KIRREL3: variants seen among roughly 807,000 people sequenced by gnomAD.
The protein encoded by KIRREL3 is kirre like nephrin family adhesion molecule 3, also known as kin of IRRE-like protein 3.
In KIRREL3, 36 loss-of-function variants were observed where a neutral mutation model predicts 89.7. The ratio of observed to expected loss-of-function variants is 0.40; its 90% CI spans 0.31 to 0.53. The LOEUF (loss-of-function observed/expected upper bound fraction) is 0.53, where lower values mean the gene tolerates loss of function less well. KIRREL3 is among the 20% of genes least tolerant of loss of function. KIRREL3 has a pLI of 0.49. For missense variants in KIRREL3, 864 were observed against 1,056.6 expected (o/e 0.82, Z 2.53); for synonymous variants, 445 against 441.4 (o/e 1.01, Z -0.10).
intron 2 of KIRREL3, among the ~76,000 whole-genome samples, chr11:126,532,110 G>T (rs549479771): frequency 6.6e-6 from 1 of 152,146 alleles, no homozygotes; most frequent in Non-Finnish European, 1.5e-5. Flanking sequence ...GGCTGTATAC[G>T]TTGTTTCTGG....
chr11:126,605,372 C>T lies in KIRREL3; in HGVS notation c.56-42460G>A, dbSNP rs895699083. Reference sequence around the variant, plus strand: ...GTGGGAGCAATGGAGCACCCATGGTCTCCAGGTCTCAGGCCACTTGGGTCT... The same window carrying T: ...GTGGGAGCAATGGAGCACCCATGGTTTCCAGGTCTCAGGCCACTTGGGTCT... On this transcript the variant is annotated intron_variant, in intron 1 of 16. Transcript: ENST00000525144. The surrounding 1 kb of genome is among the most constrained non-coding windows in gnomAD (Gnocchi z 5.7). Among the ~76,000 whole-genome samples the T allele has an allele frequency of 1.3e-5, 2 of 152,184 alleles. No homozygotes were observed. The highest frequency in any genetic ancestry group is 6.5e-5 in the Admixed American group (1 of 15,276).
chr11:126,951,774 G>C (rs1328181659), intron 1 of KIRREL3, among the ~76,000 whole-genome samples: 1 of 152,194 alleles, frequency 6.6e-6, no homozygotes, highest in African/African-American at 2.4e-5. Flanking sequence ...CCAAGCCTTT[G>C]AGTGACAGAA....
intron 1 of KIRREL3, among the ~76,000 whole-genome samples, chr11:126,572,253 C>T (rs748544825): frequency 4.4e-4 from 67 of 152,200 alleles, no homozygotes; most frequent in African/African-American, 5.8e-4. Context: ...CTTCCCCAGC[C>T]CCTACAGTTC....
intron 1 of KIRREL3, among the ~76,000 whole-genome samples, chr11:126,583,737 G>A (rs931432161): frequency 6.9e-6 from 1 of 145,216 alleles, no homozygotes; most frequent in African/African-American, 2.5e-5. Context: ...CCCTCAGTAC[G>A]GTGCCTGGCA....
chr11:126,576,696 A>C lies in KIRREL3; in HGVS notation c.56-13784T>G, dbSNP rs753942964. On this transcript the variant is annotated intron_variant, in intron 1 of 16. Transcript: ENST00000525144. The surrounding 1 kb of genome is among the most constrained non-coding windows in gnomAD (Gnocchi z 5.4). ...CACCAGTTGGTTTGAATGTGGGTGC[A>C]CGTGCATGTATGAGTTCATTAATTT... Among the ~76,000 whole-genome samples the C allele has an allele frequency of 1.2e-4, 18 of 152,194 alleles. No individual in the cohort carries two copies. The highest frequency in any genetic ancestry group is 2.1e-4 in the Non-Finnish European group (14 of 68,030).
chr11:126,648,143 C>T (rs1944764969), intron 1 of KIRREL3, among the ~76,000 whole-genome samples: 1 of 152,150 alleles, frequency 6.6e-6, no homozygotes, highest in African/African-American at 2.4e-5. Flanking sequence ...CTGCTCTGGC[C>T]ATCTAATATG....
chr11:126,929,219 CA>C (rs1947840240), intron 1 of KIRREL3, among the ~76,000 whole-genome samples: 1 of 152,100 alleles, frequency 6.6e-6, no homozygotes, highest in Admixed American at 6.5e-5. Context: ...ACAGAGAGGT[CA>C]AAGTCCCCAG....
rs1565668359 is a variant in KIRREL3, at chr11:126,710,335, C to T, written c.56-147423G>A. Reference sequence around the variant, plus strand: ...GAGGAGAGAAGGGAGATAGCTAGCTCAGTGTGGCACCCCATTCTTCCCATT... The same window carrying T: ...GAGGAGAGAAGGGAGATAGCTAGCTTAGTGTGGCACCCCATTCTTCCCATT... On this transcript the variant is annotated intron_variant, in intron 1 of 16. Transcript: ENST00000525144. The surrounding 1 kb of genome is among the most constrained non-coding windows in gnomAD (Gnocchi z 4.2). Among the ~76,000 whole-genome samples the T allele has an allele frequency of 6.6e-6, 1 of 152,186 alleles. No individual in the cohort carries two copies. Among genetic ancestry groups the T allele is most frequent in the Non-Finnish European group, 1.5e-5 (1 of 68,036 alleles).
At chr11:126,806,237 C>T (rs2134408746) in intron 1 of KIRREL3, among the ~76,000 whole-genome samples, 1 of 152,264 alleles carries the variant, frequency 6.6e-6, no homozygotes, top group East Asian at 1.9e-4. Context: ...ATAACATTCT[C>T]CCTCATGTGC....
chr11:126,956,338 G>A lies in KIRREL3; in HGVS notation c.55+44117C>T, dbSNP rs576395845. On this transcript the variant is annotated intron_variant, in intron 1 of 16. Coordinates refer to ENST00000525144, the MANE Select transcript of KIRREL3 (RefSeq NM_032531.4). ...GAGGGATCTTTCTCCTTTGGTTAGCGAATCTGATGTCAGAGTCATTCCATC... is the reference window on the plus strand; with the variant it reads ...GAGGGATCTTTCTCCTTTGGTTAGCAAATCTGATGTCAGAGTCATTCCATC... 1.2e-4 allele frequency among the ~76,000 whole-genome samples: 19 copies of A among 152,236 alleles called. No homozygotes were observed. In the South Asian group the frequency reaches 1.5e-3, roughly 12 times the overall value.
intron 1 of KIRREL3, among the ~76,000 whole-genome samples, chr11:126,809,091 C>G (rs1012900716): frequency 3.3e-5 from 5 of 152,128 alleles, no homozygotes; most frequent in Admixed American, 2.0e-4. Context: ...GCTAGTTGTT[C>G]AGCAGTCATG....
intron 1 of KIRREL3, among the ~76,000 whole-genome samples, chr11:126,926,494 CAGGA>C: frequency 6.6e-6 from 1 of 152,148 alleles, no homozygotes; most frequent in East Asian, 1.9e-4. Context: ...TGAGAGACTG[CAGGA>C]AGGCTTCTCA....
At chr11:126,529,638 G>A (rs558389344) in intron 2 of KIRREL3, among the ~76,000 whole-genome samples, 7 of 24,362 alleles carry the variant, frequency 2.9e-4, no homozygotes, top group African/African-American at 3.7e-4. Context: ...AGAGCCTCTC[G>A]CATTCTGTCT....
In KIRREL3 at chr11:126,676,986, C is replaced by T. The variant is rs954037679; in HGVS notation, c.56-114074G>A. On this transcript the variant is annotated intron_variant, in intron 1 of 16. Coordinates refer to ENST00000525144, the MANE Select transcript of KIRREL3 (RefSeq NM_032531.4). This position sits in a 1 kb window ranked among gnomAD's most constrained non-coding sequence, Gnocchi z 4.5. ...AATTTTTTGTAGAGACAGGGTCTTG[C>T]TGTGTTGCCAGGGCTGATCTTGAAC... Among the ~76,000 whole-genome samples the T allele has an allele frequency of 4.6e-5, 7 of 151,968 alleles. No homozygotes were observed. Among genetic ancestry groups the T allele is most frequent in the African/African-American group, 1.5e-4 (6 of 41,374 alleles).
At chr11:126,458,326 A>C (rs1956440103) in intron 6 of KIRREL3, among the ~76,000 whole-genome samples, 1 of 152,226 alleles carries the variant, frequency 6.6e-6, no homozygotes, top group Non-Finnish European at 1.5e-5. Context: ...CCATGGGGGC[A>C]CCACAAAGGG....
In KIRREL3 at chr11:126,999,995, G is replaced by A. The variant is rs975023280; in HGVS notation, c.55+460C>T. Among the ~76,000 whole-genome samples the A allele has an allele frequency of 5.9e-5, 9 of 151,466 alleles. No individual in the cohort carries two copies. Among genetic ancestry groups the A allele is most frequent in the East Asian group, 1.9e-4 (1 of 5,142 alleles). ...TCAACGGTGCAAACCACACACATTC[G>A]CTTTTGAATACACTTGTGCAAGTCA... On this transcript the variant is annotated intron_variant, in intron 1 of 16. Transcript: ENST00000525144. The surrounding 1 kb of genome is among the most constrained non-coding windows in gnomAD (Gnocchi z 5.7).
rs1475949966 is a variant in KIRREL3 at position 126,987,464 on chromosome 11, T to C, written c.55+12991A>G. Among the ~76,000 whole-genome samples, 1 of 152,212 alleles carries C rather than the reference T, an allele frequency of 6.6e-6. No homozygotes were observed. The highest frequency in any genetic ancestry group is 1.9e-4 in the East Asian group (1 of 5,200). On this transcript the variant is annotated intron_variant, in intron 1 of 16. Transcript: ENST00000525144. The surrounding 1 kb of genome is among the most constrained non-coding windows in gnomAD (Gnocchi z 4.6). ...ACAGACAAACAGGAGAGGTAAGTGT[T>C]CAGATTTTCTGGTTGGTATGTCTTG...
Position 126,782,115 on chromosome 11 carries a change from C to T in KIRREL3, c.55+218340G>A, listed in dbSNP as rs1015289948. On this transcript the variant is annotated intron_variant, in intron 1 of 16. Coordinates refer to ENST00000525144, the MANE Select transcript of KIRREL3 (RefSeq NM_032531.4). The surrounding 1 kb of genome is among the most constrained non-coding windows in gnomAD (Gnocchi z 4.1). The stretch of plus-strand genomic sequence containing the variant: ...CCTCCTGGGTTCACAGGAAGACAGG[C>T]ATTGCTCAGCCTTCCTAGGAATTAG... Among the ~76,000 whole-genome samples, 3 of 152,150 alleles carry T rather than the reference C, an allele frequency of 2.0e-5. No individual in the cohort carries two copies. Among genetic ancestry groups the T allele is most frequent in the African/African-American group, 7.2e-5 (3 of 41,418 alleles).
chr11:126,834,780 C>T (rs771758606), intron 1 of KIRREL3, among the ~76,000 whole-genome samples: 8 of 152,254 alleles, frequency 5.3e-5, no homozygotes, highest in East Asian at 1.9e-4. Flanking sequence ...GCTGGCCCTG[C>T]GGCCCTGGCC....
Sources: allele counts gnomAD v4.1 joint callset (sites outside exome capture counted in the v4.1 genomes callset), GRCh38; gene constraint gnomAD v4.1.1; non-coding constraint Gnocchi (gnomAD v3.1); transcripts MANE v1.5; gene names NCBI Gene and HGNC (gene_info 2026-07-23, HGNC 2026-07-21).